Variants in RIPOR3 observed in about 807,000 individuals in gnomAD.
RIPOR3 encodes family with sequence similarity 65 member C.
Under a neutral mutation model 114.3 loss-of-function variants are expected in RIPOR3, and 95 were observed. The ratio of observed to expected loss-of-function variants is 0.83; its 90% CI spans 0.70 to 0.99. The LOEUF (loss-of-function observed/expected upper bound fraction) is 0.99. Among genes scored for constraint, RIPOR3 ranks in the 50% least tolerant of loss-of-function variants. The probability of loss-of-function intolerance (pLI) is 0.00; values close to 1 mark genes in which losing one functional copy is unlikely to be tolerated. For synonymous variants in RIPOR3, 575 were observed against 543.8 expected, an observed-to-expected ratio of 1.06 and a Z score of -0.80; for missense variants, 1,252 against 1,266.9, an observed-to-expected ratio of 0.99 and a Z score of 0.18.
At chr20:50,605,619 C>T (rs2083681123) in intron 11 of RIPOR3, among the ~76,000 whole-genome samples, 2 of 151,306 alleles carry the variant, frequency 1.3e-5, no homozygotes. Context: ...AAAATGAATA[C>T]ATTAGCTGGG....
intron 1 of RIPOR3, among the ~76,000 whole-genome samples, chr20:50,667,584 G>A (rs1276921496): frequency 1.3e-5 from 2 of 152,176 alleles, no homozygotes; most frequent in Non-Finnish European, 2.9e-5. Flanking sequence ...GAGCCACCGC[G>A]CCCGGCCGCT....
chr20:50,591,796 C>T (rs974746703), intron 19 of RIPOR3, among the ~76,000 whole-genome samples: 2 of 152,218 alleles, frequency 1.3e-5, no homozygotes, highest in Non-Finnish European at 2.9e-5. Context: ...ATAAGGATGA[C>T]TATCAAAACA....
chr20:50,649,537 T>C (rs968192256), intron 1 of RIPOR3, among the ~76,000 whole-genome samples: 101 of 152,320 alleles, frequency 6.6e-4, no homozygotes, highest in African/African-American at 2.4e-3. Context: ...CTGGAGAGCA[T>C]GGACCCCTGG....
At chr20:50,618,994 TGAGGTCAGGAGTTC>T (rs762439636) in intron 3 of RIPOR3, among the ~76,000 whole-genome samples, 15 of 152,166 alleles carry the variant, frequency 9.9e-5, no homozygotes, top group Non-Finnish European at 2.1e-4. Context: ...ACAGATCACC[TGAGGTCAGGAGTTC>T]GAGACCAGCC....
chr20:50,690,599 C>T (rs1279213282), intron 1 of RIPOR3, among the ~76,000 whole-genome samples: 1 of 152,170 alleles, frequency 6.6e-6, no homozygotes, highest in Non-Finnish European at 1.5e-5. Flanking sequence ...GCACAGAATA[C>T]AGAATACTGG....
At chr20:50,631,267 C>T (rs1428719595) in intron 1 of RIPOR3, among the ~76,000 whole-genome samples, 1 of 152,196 alleles carries the variant, frequency 6.6e-6, no homozygotes, top group Non-Finnish European at 1.5e-5. Context: ...TCAAGGGCTC[C>T]AGCCCAGCAG....
At chr20:50,634,959 G>A (rs897160398) in intron 1 of RIPOR3, among the ~76,000 whole-genome samples, 4 of 152,184 alleles carry the variant, frequency 2.6e-5, no homozygotes, top group African/African-American at 9.7e-5. Context: ...CCTGAATCCG[G>A]GAGGCAGAGG....
At chr20:50,635,531 G>C (rs1312235620) in intron 1 of RIPOR3, among the ~76,000 whole-genome samples, 1 of 152,132 alleles carries the variant, frequency 6.6e-6, no homozygotes, top group Non-Finnish European at 1.5e-5. Context: ...GCGTGCACCT[G>C]TAGTCGAGCT....
In RIPOR3 at chr20:50,597,667, A is replaced by C. The variant is rs773075762; in HGVS notation, c.1703T>G (p.Met568Arg). The change falls in exon 14 of 22, where the codon ATG (methionine) becomes AGG (arginine). Residue 568 changes from methionine to arginine, a missense_variant. Met to Arg is a moderately conservative substitution (Grantham distance 91, BLOSUM62 -1). Transcript: ENST00000327979. ...RQEHTSAESL[M>R]ECILESFAFL... ...GGCGAAGCTCTCCAGGATGCACTCC[A>C]TCAGGCTCTCGGCCGAGGTGTGCTC... 1 of 1,612,300 alleles carries C rather than the reference A, an allele frequency of 6.2e-7. No homozygotes were observed. Among genetic ancestry groups the C allele is most frequent in the Non-Finnish European group, 8.5e-7 (1 of 1,179,308 alleles).
At chr20:50,617,039 G>A (rs1166180684) in intron 3 of RIPOR3, among the ~76,000 whole-genome samples, 1 of 152,200 alleles carries the variant, frequency 6.6e-6, no homozygotes, top group Admixed American at 6.5e-5. Context: ...CTACTCGGGA[G>A]GCTGAAGCAG....
At chr20:50,690,149 G>A (rs1275187133) in intron 1 of RIPOR3, among the ~76,000 whole-genome samples, 1 of 152,234 alleles carries the variant, frequency 6.6e-6, no homozygotes, top group South Asian at 2.1e-4. Flanking sequence ...TGTGGAAAGC[G>A]CTGTATGCGT....
At chr20:50,619,909 G>C (rs773178305) in intron 3 of RIPOR3, 77 bp downstream of exon 3, 1 of 1,532,414 alleles carries the variant, frequency 6.5e-7, no homozygotes, top group Non-Finnish European at 8.9e-7. Context: ...ACCCATCCAC[G>C]CTTCCCCAGG....
At chr20:50,640,147 G>A (rs142573226) in intron 1 of RIPOR3, among the ~76,000 whole-genome samples, 1,056 of 152,112 alleles carry the variant, frequency 6.9e-3, no homozygotes, top group African/African-American at 0.024. Context: ...GACTCTGGCA[G>A]ACCACACAGC....
At chr20:50,611,007 G>GAGCTTAGTGCCGGGCC in intron 5 of RIPOR3, 101 bp from the exon 6 acceptor site, 1 of 1,546,198 alleles carries the variant, frequency 6.5e-7, no homozygotes, top group Non-Finnish European at 8.9e-7. Flanking sequence ...TCAGAGAATG[G>GAGCTTAGTGCCGGGCC]GGCCCCTCAC....
chr20:50,669,551 T>C (rs1177331526), intron 1 of RIPOR3, among the ~76,000 whole-genome samples: 1 of 152,144 alleles, frequency 6.6e-6, no homozygotes, highest in Non-Finnish European at 1.5e-5. Context: ...CAGACTTTGC[T>C]ATGAGACAGT....
chr20:50,667,853 G>A lies in RIPOR3; in HGVS notation c.3+23273C>T, dbSNP rs78273239. 6.6e-3 allele frequency among the ~76,000 whole-genome samples: 1,008 copies of A among 152,312 alleles called. 20 individuals carry two copies. The highest frequency in any genetic ancestry group is 0.023 in the African/African-American group (943 of 41,568). On this transcript the variant is annotated intron_variant, in intron 1 of 21. Coordinates refer to ENST00000327979, the MANE Select transcript of RIPOR3 (RefSeq NM_001290268.2). ...GGACACGTGCTTGCTTTGTGATTAC[G>A]GGTAAGTTCCGTAGCCTCTCTGAGC...
chr20:50,615,602 C>A (rs1365316574), intron 4 of RIPOR3, among the ~76,000 whole-genome samples: 22 of 150,824 alleles, frequency 1.5e-4, no homozygotes. Flanking sequence ...ATTGAAGGAA[C>A]ACGCAGGCTT....
rs1244438420 is a variant in RIPOR3 at position 50,616,032 on chromosome 20, G to A, written c.318C>T (p.Arg106=). The change falls in exon 4 of 22, where the codon CGC becomes CGT. Residue 106 remains arginine, a synonymous_variant. Transcript: ENST00000327979. ...TGGAATTCCTCCTGGTGTCTTTGTG[G>A]CGTCCAGACAGGTGGTCCAGCTCAG... is the stretch of plus-strand genomic sequence containing the variant. ...QQAELDHLSG[R]HKDTRRNSRL... The A allele has an allele frequency of 6.2e-7, 1 of 1,611,200 alleles. No homozygotes were observed. Among genetic ancestry groups the A allele is most frequent in the Non-Finnish European group, 8.5e-7 (1 of 1,178,960 alleles).
rs1031741100 is a variant in RIPOR3 at position 50,602,411 on chromosome 20, G to A, written c.1320C>T (p.Ala440=). ...CCTCCCGAGCCTCCTCTTCAATGGA[G>A]GCGTGGGGACCGAAGGTCAAGGGCA... ...GFLPLTFGPH[A]SIEEEAREDP... Residue 440 remains alanine, a synonymous_variant, in exon 13 of 22, where the codon GCC becomes GCT. Coordinates refer to ENST00000327979, the MANE Select transcript of RIPOR3 (RefSeq NM_001290268.2). This position sits in a 1 kb window ranked among gnomAD's most constrained non-coding sequence, Gnocchi z 4.3. 3.1e-6 allele frequency: 5 copies of A among 1,607,872 alleles called. No individual in the cohort carries two copies. The highest frequency in any genetic ancestry group is 1.7e-4 in the Middle Eastern group (1 of 6,020).
Sources: allele counts gnomAD v4.1 joint callset (sites outside exome capture counted in the v4.1 genomes callset), GRCh38; gene constraint gnomAD v4.1.1; non-coding constraint Gnocchi (gnomAD v3.1); transcripts MANE v1.5; gene names NCBI Gene and HGNC (gene_info 2026-07-23, HGNC 2026-07-21).